Variants in NUBPL observed in about 807,000 individuals in gnomAD.
NUBPL encodes NUBP iron-sulfur cluster assembly factor, mitochondrial.
A neutral mutation model predicts 45.7 loss-of-function variants in NUBPL; 31 were observed. The observed-to-expected ratio is 0.68, with a 90% CI of 0.51 to 0.92. The LOEUF (loss-of-function observed/expected upper bound fraction) is 0.92, where lower values mean the gene tolerates loss of function less well. NUBPL is among the 40% of genes least tolerant of loss of function. The pLI is 0.00. For synonymous variants in NUBPL, 144 were observed against 140.9 expected, an observed-to-expected ratio of 1.02 and a Z score of -0.15; for missense variants, 401 against 398.7, an observed-to-expected ratio of 1.01 and a Z score of -0.05.
At chr14:31,619,090 A>T (rs2034989610) in intron 4 of NUBPL, among the ~76,000 whole-genome samples, 1 of 152,180 alleles carries the variant, frequency 6.6e-6, no homozygotes, top group African/African-American at 2.4e-5. Flanking sequence ...GTTTTATCAG[A>T]GACTAGGATC....
At position 31,780,446 on chromosome 14, in the gene NUBPL, A is replaced by G. The variant is rs148930683; in HGVS notation, c.514-7334A>G. On this transcript the variant is annotated intron_variant, in intron 6 of 10. Coordinates refer to ENST00000281081, the MANE Select transcript of NUBPL (RefSeq NM_025152.3). ...TTAATGGTTTCTAAATTTTGTAGGA[A>G]TCAAGTTGTGAGAAAAAGCAAATGC... Among the ~76,000 whole-genome samples the G allele has an allele frequency of 4.3e-3, 652 of 152,274 alleles. 4 individuals carry two copies. The highest frequency in any genetic ancestry group is 0.01 in the South Asian group (50 of 4,824).
chr14:31,760,675 T>C (rs1396868770), intron 6 of NUBPL, among the ~76,000 whole-genome samples: 1 of 152,176 alleles, frequency 6.6e-6, no homozygotes, highest in Non-Finnish European at 1.5e-5. Flanking sequence ...GGCTGATTAG[T>C]ATTCCATTGT....
chr14:31,854,034 C>G (rs1367576076), intron 10 of NUBPL, among the ~76,000 whole-genome samples: 1 of 152,134 alleles, frequency 6.6e-6, no homozygotes, highest in African/African-American at 2.4e-5. Context: ...TAAGATATTC[C>G]TGGTAAAGAC....
At chr14:31,830,618 T>C (rs2040173952) in intron 8 of NUBPL, among the ~76,000 whole-genome samples, 1 of 152,254 alleles carries the variant, frequency 6.6e-6, no homozygotes, top group South Asian at 2.1e-4. Context: ...GTCTCAGATC[T>C]ACTTACACAT....
intron 3 of NUBPL, among the ~76,000 whole-genome samples, chr14:31,580,314 G>T (rs945687735): frequency 5.3e-5 from 8 of 152,146 alleles, no homozygotes; most frequent in Non-Finnish European, 1.2e-4. Context: ...TAATAAAAAA[G>T]TGTAAGGATG....
chr14:31,579,394 C>T (rs576443651), intron 3 of NUBPL, among the ~76,000 whole-genome samples: 6 of 152,240 alleles, frequency 3.9e-5, no homozygotes, highest in East Asian at 3.9e-4. Flanking sequence ...AAGGGTATCC[C>T]GGCCAAGAAA....
At chr14:31,705,131 G>A (rs1031119064) in intron 6 of NUBPL, among the ~76,000 whole-genome samples, 2 of 152,046 alleles carry the variant, frequency 1.3e-5, no homozygotes, top group African/African-American at 4.8e-5. Context: ...GAGTGTTACA[G>A]TTCATAAAGG....
At chr14:31,800,913 T>G (rs1173404509) in intron 7 of NUBPL, 4 of 152,174 alleles carry the variant, frequency 2.6e-5, no homozygotes, top group African/African-American at 7.2e-5. Context: ...CGGCAAACCT[T>G]AAAATGAATT....
intron 6 of NUBPL, among the ~76,000 whole-genome samples, chr14:31,700,533 G>C (rs1465808156): frequency 1.3e-5 from 2 of 152,154 alleles, no homozygotes; most frequent in African/African-American, 4.8e-5. Context: ...CTGCTTGCGG[G>C]GAGGTGTGGA....
intron 6 of NUBPL, among the ~76,000 whole-genome samples, chr14:31,759,574 G>A (rs2038752146): frequency 6.6e-6 from 1 of 151,918 alleles, no homozygotes. Flanking sequence ...TTTCAAATCT[G>A]TTCTCATAGT....
chr14:31,696,427 G>T (rs1478789274), intron 6 of NUBPL, among the ~76,000 whole-genome samples: 1 of 152,062 alleles, frequency 6.6e-6, no homozygotes, highest in African/African-American at 2.4e-5. Context: ...CCTCACAGTG[G>T]CTCTCTCCTT....
intron 10 of NUBPL, among the ~76,000 whole-genome samples, chr14:31,856,120 T>C (rs1485918317): frequency 1.3e-5 from 2 of 152,160 alleles, no homozygotes; most frequent in Non-Finnish European, 2.9e-5. Context: ...TTTATTGGAC[T>C]TACAGTTCCA....
rs369825737 is a variant in NUBPL, at chr14:31,745,040, CTTTTTT to C, written c.514-42736_514-42731del. Among the ~76,000 whole-genome samples, 3 of 96,500 alleles carry C rather than the reference CTTTTTT, an allele frequency of 3.1e-5. No individual in the cohort carries two copies. The African/African-American group carries it at 3.5e-4, about 11-fold the overall frequency. The allele number at this position is 96,500 out of a possible 152,430, so 63.3% of individuals were successfully genotyped here. ...AGTTCCCTTTAGGTCTAGGTTATTTCTTTTTTTTTATTTTTATTTTTATTATTATAC... is the reference window on the plus strand; with the variant it reads ...AGTTCCCTTTAGGTCTAGGTTATTTCTTTATTTTTATTTTTATTATTATAC... On this transcript the variant is annotated intron_variant, in intron 6 of 10. Coordinates refer to ENST00000281081, the MANE Select transcript of NUBPL (RefSeq NM_025152.3).
chr14:31,805,712 C>T (rs1221836427), intron 7 of NUBPL, among the ~76,000 whole-genome samples: 1 of 151,980 alleles, frequency 6.6e-6, no homozygotes, highest in Non-Finnish European at 1.5e-5. Context: ...AATGAGAACA[C>T]ATGGACACAA....
intron 4 of NUBPL, among the ~76,000 whole-genome samples, chr14:31,664,355 G>A (rs183926096): frequency 6.6e-6 from 1 of 152,264 alleles, no homozygotes; most frequent in East Asian, 1.9e-4. Context: ...CATTCAGTGT[G>A]ATATTGGCTA....
Position 31,564,998 on chromosome 14 carries a change from T to C in NUBPL, c.257-16T>C. ...GGAAAGTTACTAAATTCAATTACTT[T>C]TTTTGTTTCTTACAGTGAATCTTGC... is the stretch of plus-strand genomic sequence containing the variant. On this transcript the variant is annotated splice_polypyrimidine_tract_variant and intron_variant, in intron 2 of 10. Transcript: ENST00000281081. The C allele has an allele frequency of 6.7e-7, 1 of 1,487,118 alleles. No individual in the cohort carries two copies. The highest frequency in any genetic ancestry group is 2.3e-5 in the East Asian group (1 of 43,664). The allele number at this position is 1,487,118 out of a possible 1,614,324, so 92.1% of individuals were successfully genotyped here. A position where few individuals can be genotyped will look rare whatever the true frequency, so the allele number is the denominator to read the frequency against.
At chr14:31,804,215 T>C (rs1213945846) in intron 7 of NUBPL, among the ~76,000 whole-genome samples, 4 of 152,340 alleles carry the variant, frequency 2.6e-5, no homozygotes, top group East Asian at 3.9e-4. Context: ...AAATTCATAC[T>C]ATCACAAGGC....
chr14:31,763,932 TA>T (rs1433868442), intron 6 of NUBPL, among the ~76,000 whole-genome samples: 6 of 152,314 alleles, frequency 3.9e-5, no homozygotes, highest in African/African-American at 1.2e-4. Context: ...ATATTTGAAA[TA>T]AAAATGACTT....
intron 6 of NUBPL, among the ~76,000 whole-genome samples, chr14:31,770,596 C>T (rs1348157399): frequency 2.0e-5 from 3 of 152,340 alleles, no homozygotes; most frequent in South Asian, 2.1e-4. Context: ...TTATCATTTA[C>T]GCCTACATCT....
Sources: gnomAD v4.1 joint callset for allele counts (sites outside exome capture counted in the v4.1 genomes callset) on GRCh38, gnomAD v4.1.1 for gene constraint, MANE v1.5 for transcripts, NCBI Gene and HGNC (gene_info 2026-07-23, HGNC 2026-07-21) for gene names.